Variants in PTPRD observed in about 807,000 individuals in gnomAD.
PTPRD encodes the protein receptor-type tyrosine-protein phosphatase delta.
A neutral mutation model predicts 214.5 loss-of-function variants in PTPRD; 34 were observed. The observed-to-expected ratio is 0.16, with a 90% confidence interval of 0.12 to 0.21. The LOEUF is 0.21. Among genes scored for constraint, PTPRD ranks in the 10% least tolerant of loss-of-function variants. The pLI, the probability that PTPRD is intolerant of heterozygous loss-of-function variation, is 1.00. For synonymous variants in PTPRD, 1,128 were observed against 845.7 expected (o/e 1.33, Z -5.79); for missense variants, 2,545 against 2,398.7 (o/e 1.06, Z -1.27).
At chr9:8,795,108 C>A (rs1293819652) in intron 11 of PTPRD, among the ~76,000 whole-genome samples, 1 of 152,042 alleles carries the variant, frequency 6.6e-6, no homozygotes, top group East Asian at 1.9e-4. Flanking sequence ...ATTTCTTGGG[C>A]ACTACCAAAA....
intron 10 of PTPRD, among the ~76,000 whole-genome samples, chr9:9,094,838 A>G (rs749878481): frequency 2.6e-5 from 4 of 152,158 alleles, no homozygotes; most frequent in Non-Finnish European, 5.9e-5. Flanking sequence ...GGCTAGCATT[A>G]TCCCGACACC....
intron 4 of PTPRD, among the ~76,000 whole-genome samples, chr9:9,945,797 T>C (rs540696319): frequency 3.9e-5 from 6 of 151,980 alleles, no homozygotes; most frequent in Admixed American, 6.6e-5. Flanking sequence ...TTCCAAAAAT[T>C]GAAATCCAAT....
intron 4 of PTPRD, among the ~76,000 whole-genome samples, chr9:9,949,594 G>T (rs550761013): frequency 6.6e-6 from 1 of 152,138 alleles, no homozygotes; most frequent in East Asian, 1.9e-4. Flanking sequence ...CCTAGGTTAA[G>T]CCAATCACTA....
intron 30 of PTPRD, among the ~76,000 whole-genome samples, chr9:8,481,292 G>A (rs1164153691): frequency 7.2e-6 from 1 of 139,824 alleles, no homozygotes; most frequent in East Asian, 2.2e-4. Context: ...ACTGATTTTA[G>A]TAATAATCTT....
chr9:9,104,608 A>C (rs1260544698), intron 10 of PTPRD, among the ~76,000 whole-genome samples: 2 of 152,210 alleles, frequency 1.3e-5, no homozygotes, highest in East Asian at 3.9e-4. Context: ...TGTAAGAACC[A>C]TGTTGGACAG....
chr9:9,918,796 T>C (rs1205089594), intron 5 of PTPRD, among the ~76,000 whole-genome samples: 1 of 152,110 alleles, frequency 6.6e-6, no homozygotes, highest in African/African-American at 2.4e-5. Flanking sequence ...GAATATTCAC[T>C]GTTGAAAAGG....
chr9:10,428,500 T>C (rs1034311270), intron 2 of PTPRD, among the ~76,000 whole-genome samples: 2 of 152,096 alleles, frequency 1.3e-5, no homozygotes, highest in African/African-American at 2.4e-5. Context: ...TCAATGCTGT[T>C]GATACCTATG....
At chr9:9,017,026 G>A (rs558102657) in intron 11 of PTPRD, among the ~76,000 whole-genome samples, 2 of 152,078 alleles carry the variant, frequency 1.3e-5, no homozygotes, top group East Asian at 3.9e-4. Context: ...ATGTATGGTG[G>A]CCTAGTAGTG....
chr9:9,394,358 T>C (rs896421142), intron 9 of PTPRD, among the ~76,000 whole-genome samples: 10 of 152,160 alleles, frequency 6.6e-5, no homozygotes, highest in Admixed American at 2.6e-4. Flanking sequence ...GCTCTATTCC[T>C]AGTGCCTTAA....
intron 9 of PTPRD, among the ~76,000 whole-genome samples, chr9:9,386,882 A>G (rs10124340): frequency 3.5e-3 from 537 of 152,264 alleles, no homozygotes; most frequent in African/African-American, 0.012. Context: ...CAGGCTCCTG[A>G]GCCCCAACAC....
intron 9 of PTPRD, among the ~76,000 whole-genome samples, chr9:9,330,379 T>C (rs2041862716): frequency 1.3e-5 from 2 of 152,166 alleles, no homozygotes; most frequent in African/African-American, 4.8e-5. Context: ...TGCCGCAGAC[T>C]TTTTAAAATA....
intron 11 of PTPRD, among the ~76,000 whole-genome samples, chr9:8,910,069 C>T (rs1042252958): frequency 1.3e-5 from 2 of 151,778 alleles, no homozygotes; most frequent in African/African-American, 4.8e-5. Context: ...GATGGAGTCT[C>T]GCTCTGTTGT....
chr9:9,781,461 G>A (rs976822342), intron 5 of PTPRD, among the ~76,000 whole-genome samples: 2 of 152,164 alleles, frequency 1.3e-5, no homozygotes, highest in South Asian at 2.1e-4. Flanking sequence ...ATTGGAAGAA[G>A]GAAATCTAGT....
chr9:9,070,108 A>C (rs1413167979), intron 10 of PTPRD, among the ~76,000 whole-genome samples: 1 of 152,174 alleles, frequency 6.6e-6, no homozygotes, highest in Non-Finnish European at 1.5e-5. Context: ...AGAACAGCTG[A>C]GCTTCATAAC....
intron 2 of PTPRD, among the ~76,000 whole-genome samples, chr9:10,551,116 T>C (rs2061261761): frequency 6.6e-6 from 1 of 152,116 alleles, no homozygotes; most frequent in Admixed American, 6.5e-5. Context: ...GGAGCATCAC[T>C]TGAGGCCAGA....
At chr9:9,572,561 GTATATATA>G (rs113092220) in intron 8 of PTPRD, among the ~76,000 whole-genome samples, 184 of 140,812 alleles carry the variant, frequency 1.3e-3, no homozygotes, top group African/African-American at 4.0e-3. Context: ...ATATATATAT[GTATATATA>G]TATATATATA....
intron 9 of PTPRD, among the ~76,000 whole-genome samples, chr9:9,338,445 A>G (rs2045461931): frequency 6.6e-6 from 1 of 152,180 alleles, no homozygotes; most frequent in Admixed American, 6.6e-5. Flanking sequence ...TTACAAAACA[A>G]GAAAGGCTTT....
At chr9:10,099,647 G>A (rs548995415) in intron 3 of PTPRD, among the ~76,000 whole-genome samples, 15 of 151,818 alleles carry the variant, frequency 9.9e-5, no homozygotes, top group African/African-American at 3.6e-4. Flanking sequence ...TAAGCAATGA[G>A]GTAGCAACAA....
At chr9:9,876,831 T>C (rs2067025997) in intron 5 of PTPRD, among the ~76,000 whole-genome samples, 1 of 152,194 alleles carries the variant, frequency 6.6e-6, no homozygotes, top group Non-Finnish European at 1.5e-5. Flanking sequence ...GCATTAAGGA[T>C]GACTTTAAGT....
Sources: allele counts gnomAD v4.1 joint callset (sites outside exome capture counted in the v4.1 genomes callset), GRCh38; gene constraint gnomAD v4.1.1; transcripts MANE v1.5; gene names NCBI Gene and HGNC (gene_info 2026-07-23, HGNC 2026-07-21).